The following LAMA3 variants were observed in gnomAD, a reference collection of about 807,000 sequenced individuals.
LAMA3 encodes laminin subunit alpha 3.
A neutral mutation model predicts 402.0 loss-of-function variants in LAMA3; 281 were observed. That is an observed-to-expected ratio of 0.70 (90% confidence interval 0.63 to 0.77). The LOEUF is 0.77. Among genes scored for constraint, LAMA3 ranks in the 30% least tolerant of loss-of-function variants. LAMA3 has a pLI of 0.00. For synonymous variants in LAMA3, 1,431 were observed against 1,558.4 expected (o/e 0.92, Z 1.93); for missense variants, 3,840 against 4,215.5 (o/e 0.91, Z 2.47).
At chr18:23,924,213 G>A (rs964408861) in intron 62 of LAMA3, among the ~76,000 whole-genome samples, 1 of 151,946 alleles carries the variant, frequency 6.6e-6, no homozygotes, top group Non-Finnish European at 1.5e-5. Context: ...GTTCAGTGGC[G>A]CCATCTTGGC....
At chr18:23,818,216 A>G (rs1295187627) in intron 18 of LAMA3, among the ~76,000 whole-genome samples, 1 of 152,204 alleles carries the variant, frequency 6.6e-6, no homozygotes, top group Non-Finnish European at 1.5e-5. Flanking sequence ...TGTTGATAAA[A>G]TGAGCTTCTC....
intron 8 of LAMA3, among the ~76,000 whole-genome samples, chr18:23,769,182 C>T (rs192183994): frequency 1.3e-5 from 2 of 152,154 alleles, no homozygotes; most frequent in Non-Finnish European, 2.9e-5. Context: ...TTTTAGGAAA[C>T]TACCTACCTT....
intron 8 of LAMA3, among the ~76,000 whole-genome samples, chr18:23,769,459 TA>T (rs201063274): frequency 2.0e-5 from 3 of 152,308 alleles, no homozygotes; most frequent in East Asian, 3.9e-4. Flanking sequence ...AACAATAGCA[TA>T]AAAAATAATA....
In LAMA3 at chr18:23,901,116, A is replaced by G; in HGVS notation, c.6005-11A>G. 6.2e-7 allele frequency: 1 copy of G among 1,611,476 alleles called. No homozygotes were observed. The highest frequency in any genetic ancestry group is 1.1e-5 in the South Asian group (1 of 90,992). ...TCTGTCAAATAGAAAACATGAGGTG[A>G]TGTATTACAGTGCTGAACCGGATAA... On this transcript the variant is annotated splice_polypyrimidine_tract_variant and intron_variant, in intron 47 of 74. Transcript: ENST00000313654.
rs2061454857 is a variant in LAMA3, at chr18:23,735,274, G to T, written c.448-12669G>T. Among the ~76,000 whole-genome samples the T allele has an allele frequency of 2.6e-5, 4 of 152,252 alleles. No homozygotes were observed. In the South Asian group the frequency reaches 8.3e-4, roughly 32 times the overall value. On this transcript the variant is annotated intron_variant, in intron 2 of 74. Coordinates refer to ENST00000313654, the MANE Select transcript of LAMA3 (RefSeq NM_198129.4). ...TATCAACATTTCAAAAGATTCCCTG[G>T]GATTTTTGCCAAGTCATTTGACCAG...
Position 23,689,914 on chromosome 18 carries a change from G to A in LAMA3, c.231G>A (p.Gln77=). ...GGGGACCCGGCGAGGGGAGGCCCCA[G>A]CCCGAGCTCTACTGCAAGTTGGTCG... ...GERGPGEGRP[Q]PELYCKLVGG... is the part of the protein sequence containing the mutation. Residue 77 remains glutamine (Q), a synonymous_variant, in exon 1 of 75, where the codon CAG becomes CAA. Coordinates refer to ENST00000313654, the MANE Select transcript of LAMA3 (RefSeq NM_198129.4). 1 of 1,533,840 alleles carries A rather than the reference G, an allele frequency of 6.5e-7. No homozygotes were observed. The highest frequency in any genetic ancestry group is 1.4e-5 in the African/African-American group (1 of 71,136).
At chr18:23,780,304 AG>A (rs1434243240) in intron 11 of LAMA3, among the ~76,000 whole-genome samples, 1 of 145,316 alleles carries the variant, frequency 6.9e-6, no homozygotes, top group African/African-American at 2.5e-5. Flanking sequence ...TGGGAGGGGC[AG>A]CCTTACAGCC....
chr18:23,885,008 T>C (rs1391726379), intron 41 of LAMA3, among the ~76,000 whole-genome samples, 155 bp downstream of exon 41: 2 of 152,128 alleles, frequency 1.3e-5, no homozygotes. Context: ...ACTGCTCACC[T>C]AATAAATCAT....
intron 12 of LAMA3, among the ~76,000 whole-genome samples, chr18:23,802,604 T>C (rs1340888369): frequency 3.3e-5 from 5 of 152,208 alleles, no homozygotes; most frequent in African/African-American, 1.2e-4. Flanking sequence ...GAGGAAACCA[T>C]GTAGCAGTCT....
At chr18:23,744,004 G>A (rs549327315) in intron 2 of LAMA3, among the ~76,000 whole-genome samples, 12 of 152,318 alleles carry the variant, frequency 7.9e-5, no homozygotes, top group African/African-American at 2.9e-4. Context: ...CATAAGTACT[G>A]AGAGTAAAAA....
At chr18:23,921,307 C>A in intron 61 of LAMA3, 145 bp from the exon 62 acceptor site, 1 of 940,392 alleles carries the variant, frequency 1.1e-6, no homozygotes, top group Non-Finnish European at 1.6e-6. Context: ...TATTTTTATC[C>A]AAAAATGCTA....
intron 2 of LAMA3, among the ~76,000 whole-genome samples, chr18:23,744,751 G>C (rs2061620632): frequency 1.4e-5 from 2 of 142,582 alleles, no homozygotes. Flanking sequence ...AGAATGGCGT[G>C]AACCTGGGAG....
chr18:23,728,800 GC>G (rs2061340395), intron 2 of LAMA3, among the ~76,000 whole-genome samples: 1 of 152,086 alleles, frequency 6.6e-6, no homozygotes, highest in African/African-American at 2.4e-5. Context: ...GGAGGCCGAG[GC>G]AGGCGGGTCA....
At chr18:23,943,613 A>G (rs1226458243) in intron 68 of LAMA3, among the ~76,000 whole-genome samples, 175 bp from the exon 69 acceptor site, 2 of 152,234 alleles carry the variant, frequency 1.3e-5, no homozygotes, top group African/African-American at 4.8e-5. Flanking sequence ...AACAGCTGGA[A>G]TAGAATAGCT....
At chr18:23,749,989 A>T (rs2061716518) in intron 4 of LAMA3, among the ~76,000 whole-genome samples, 1 of 151,974 alleles carries the variant, frequency 6.6e-6, no homozygotes, top group Admixed American at 6.6e-5. Context: ...CCAGAGGAGG[A>T]CTCTGAGGTC....
chr18:23,709,028 T>A (rs2060941013), intron 1 of LAMA3, among the ~76,000 whole-genome samples: 1 of 152,160 alleles, frequency 6.6e-6, no homozygotes, highest in Non-Finnish European at 1.5e-5. Context: ...GTGCTGGGAT[T>A]ACAGGTGTAA....
intron 25 of LAMA3, among the ~76,000 whole-genome samples, chr18:23,838,398 G>A (rs921734097): frequency 2.6e-5 from 4 of 152,018 alleles, no homozygotes; most frequent in Admixed American, 2.6e-4. Context: ...AGGCTCTCTG[G>A]CCCACACCAC....
chr18:23,897,094 A>T (rs2080899953), intron 44 of LAMA3, among the ~76,000 whole-genome samples: 1 of 152,198 alleles, frequency 6.6e-6, no homozygotes, highest in Non-Finnish European at 1.5e-5. Context: ...TGAGGGGGAA[A>T]CCTCCAGAAA....
intron 8 of LAMA3, among the ~76,000 whole-genome samples, chr18:23,766,849 A>T (rs1162453562): frequency 1.3e-5 from 2 of 152,112 alleles, no homozygotes; most frequent in Non-Finnish European, 2.9e-5. Context: ...AGAAAAAAAA[A>T]ATTCTTGGAA....
Sources: allele counts gnomAD v4.1 joint callset (sites outside exome capture counted in the v4.1 genomes callset), GRCh38; gene constraint gnomAD v4.1.1; transcripts MANE v1.5; gene names NCBI Gene and HGNC (gene_info 2026-07-23, HGNC 2026-07-21).